Variants in ABHD18 observed in about 807,000 individuals in gnomAD.
ABHD18 encodes the protein cardiolipin-specific deacylase, mitochondrial.
A neutral mutation model predicts 65.9 loss-of-function variants in ABHD18; 55 were observed. The observed-to-expected ratio is 0.84, with a 90% CI of 0.67 to 1.05. ABHD18 has a LOEUF of 1.05. Among genes scored for constraint, ABHD18 ranks in the 50% least tolerant of loss-of-function variants. The pLI is 0.00. For missense variants in ABHD18, 533 were observed against 558.5 expected (o/e 0.95, Z 0.46); for synonymous variants, 181 against 180.2 (o/e 1.00, Z -0.04).
At chr4:128,023,132 A>G (rs1021707301) in intron 10 of ABHD18, among the ~76,000 whole-genome samples, 23 of 152,056 alleles carry the variant, frequency 1.5e-4, no homozygotes, top group African/African-American at 5.6e-4. Flanking sequence ...AGAAACTTCA[A>G]AAAAAAGAAA....
chr4:128,035,013 G>A (rs758680208), intron 12 of ABHD18, among the ~76,000 whole-genome samples: 5 of 152,080 alleles, frequency 3.3e-5, no homozygotes, highest in Non-Finnish European at 7.4e-5. Context: ...AGAAACCAAG[G>A]CTTTTGATTT....
chr4:127,990,937 C>G (rs190474362), intron 4 of ABHD18, among the ~76,000 whole-genome samples: 13 of 152,224 alleles, frequency 8.5e-5, no homozygotes, highest in Admixed American at 2.0e-4. Flanking sequence ...CAGTGGTGCT[C>G]ACTGTATGCT....
In ABHD18 at chr4:128,020,071, A is replaced by G; in HGVS notation, c.610-9A>G. 6.3e-7 allele frequency: 1 copy of G among 1,594,394 alleles called. No individual in the cohort carries two copies. The highest frequency in any genetic ancestry group is 1.1e-5 in the South Asian group (1 of 89,856). ...TCTAAATAGACGCTCTCTATCTGTT[A>G]TATTACAGATGGCTTCCTTAGCGGT... On this transcript the variant is annotated splice_polypyrimidine_tract_variant and intron_variant, in intron 8 of 12. Coordinates refer to ENST00000645843, the MANE Select transcript of ABHD18 (RefSeq NM_001358451.3).
chr4:127,971,254 C>CAAAAAAA, intron 1 of ABHD18, among the ~76,000 whole-genome samples: 1 of 74,542 alleles, frequency 1.3e-5, no homozygotes, highest in Non-Finnish European at 2.8e-5. Flanking sequence ...GACCCTGTCT[C>CAAAAAAA]AAAAAAAAAA....
chr4:127,998,168 C>T (rs1752054337), intron 4 of ABHD18, among the ~76,000 whole-genome samples: 1 of 152,056 alleles, frequency 6.6e-6, no homozygotes, highest in Admixed American at 6.6e-5. Context: ...GGATTATAGG[C>T]ATGAGCCACC....
intron 4 of ABHD18, among the ~76,000 whole-genome samples, chr4:127,993,267 G>A (rs559993354): frequency 4.3e-4 from 66 of 152,236 alleles, no homozygotes; most frequent in Non-Finnish European, 7.9e-4. Context: ...AAAGAAAGGA[G>A]GAAAATTATG....
rs199917794 is a variant in ABHD18 at position 128,028,758 on chromosome 4, T to C, written c.1085T>C (p.Leu362Pro). The C allele has an allele frequency of 1.2e-6, 2 of 1,613,766 alleles. No individual in the cohort carries two copies. The highest frequency in any genetic ancestry group is 1.1e-5 in the South Asian group (1 of 91,038). The change falls in exon 11 of 13, where the codon CTT (leucine) becomes CCT (proline). Residue 362 changes from leucine to proline, a missense_variant. This residue lies in a region of ABHD18 where 220 missense variants were observed against 226.8 expected (regional missense o/e 0.97). Transcript: ENST00000645843. The stretch of plus-strand genomic sequence containing the variant: ...CGCAACCCTCAGTCATACCACCTAC[T>C]TAGTAAAGAACAAAGCAGAAACAGT... ...TSRNPQSYHL[L>P]SKEQSRNSLR...
intron 10 of ABHD18, among the ~76,000 whole-genome samples, chr4:128,024,757 A>G (rs996422209): frequency 9.9e-5 from 15 of 152,148 alleles, no homozygotes; most frequent in Non-Finnish European, 1.5e-4. Flanking sequence ...CAGAGGCACA[A>G]TCTTGGCTCG....
intron 4 of ABHD18, among the ~76,000 whole-genome samples, chr4:127,991,596 TTA>T (rs1315284302): frequency 3.3e-5 from 5 of 152,314 alleles, no homozygotes; most frequent in African/African-American, 1.2e-4. Context: ...GTTTTCTATT[TTA>T]TGTTTTAGCT....
chr4:127,969,819 G>A (rs942524603), intron 1 of ABHD18, among the ~76,000 whole-genome samples: 9 of 150,760 alleles, frequency 6.0e-5, no homozygotes, highest in Non-Finnish European at 1.2e-4. Flanking sequence ...GCAACGATGT[G>A]CACTGTTGCC....
chr4:127,967,133 T>C (rs1579078105), intron 1 of ABHD18, among the ~76,000 whole-genome samples: 1 of 151,766 alleles, frequency 6.6e-6, no homozygotes, highest in African/African-American at 2.4e-5. Context: ...ATGGCACATA[T>C]ATAGTGGACA....
rs529816243 is a variant in ABHD18 at position 128,033,122 on chromosome 4, C to T, written c.1343+2450C>T. On this transcript the variant is annotated intron_variant, in intron 12 of 12. Coordinates refer to ENST00000645843, the MANE Select transcript of ABHD18 (RefSeq NM_001358451.3). ...GAAAAAAATTAGCTGGGCGTGGTGGCGGGTGCCTGTAGTCCCAGCTACTGC... is the reference window on the plus strand; with the variant it reads ...GAAAAAAATTAGCTGGGCGTGGTGGTGGGTGCCTGTAGTCCCAGCTACTGC... Among the ~76,000 whole-genome samples, 10 of 152,104 alleles carry T rather than the reference C, an allele frequency of 6.6e-5. No homozygotes were observed. In the South Asian group the frequency reaches 1.2e-3, roughly 19 times the overall value.
At position 128,028,662 on chromosome 4, in the gene ABHD18, T is replaced by C. The variant is rs1020843129; in HGVS notation, c.989T>C (p.Leu330Ser). Residue 330 changes from leucine to serine, a missense_variant, in exon 11 of 13, where the codon TTA becomes TCA. Coordinates refer to ENST00000645843, the MANE Select transcript of ABHD18 (RefSeq NM_001358451.3). ...TSVSATSEGL[L>S]LQDTSKMKRF... ...GTCAGTGCGACATCAGAAGGACTCT[T>C]ATTGCAAGATACCTCTAAGATGAAG... 7 of 1,613,740 alleles carry C rather than the reference T, an allele frequency of 4.3e-6. No homozygotes were observed. The highest frequency in any genetic ancestry group is 2.7e-5 in the African/African-American group (2 of 74,910).
intron 4 of ABHD18, among the ~76,000 whole-genome samples, chr4:128,007,225 G>A (rs2149127421): frequency 6.6e-6 from 1 of 151,948 alleles, no homozygotes. Context: ...AGGCTGAGGT[G>A]GGAGGACTGC....
chr4:128,015,664 TG>T (rs2149151962), intron 7 of ABHD18, among the ~76,000 whole-genome samples: 1 of 152,236 alleles, frequency 6.6e-6, no homozygotes, highest in African/African-American at 2.4e-5. Flanking sequence ...GGTAGGACAG[TG>T]GAAGTAAGCT....
At chr4:128,020,302 A>C in intron 9 of ABHD18, 133 bp downstream of exon 9, 1 of 654,534 alleles carries the variant, frequency 1.5e-6, no homozygotes, top group Non-Finnish European at 2.7e-6. Flanking sequence ...AGTCGTAATC[A>C]TGATTAAGCC....
At chr4:127,984,046 A>G (rs957258076) in intron 2 of ABHD18, among the ~76,000 whole-genome samples, 36 of 151,368 alleles carry the variant, frequency 2.4e-4, no homozygotes, top group Non-Finnish European at 5.0e-4. Context: ...CAAGGGGGAA[A>G]AAAAAAAAAA....
chr4:127,967,138 T>G (rs1745748536), intron 1 of ABHD18, among the ~76,000 whole-genome samples: 1 of 151,758 alleles, frequency 6.6e-6, no homozygotes, highest in Non-Finnish European at 1.5e-5. Context: ...ACATATATAG[T>G]GGACAAGGGG....
chr4:127,983,379 G>C (rs936842341), intron 2 of ABHD18, among the ~76,000 whole-genome samples: 2 of 152,112 alleles, frequency 1.3e-5, no homozygotes, highest in East Asian at 3.8e-4. Flanking sequence ...TAGATAACCC[G>C]AATTTGTAAT....
Sources: gnomAD v4.1 joint callset for allele counts (sites outside exome capture counted in the v4.1 genomes callset) on GRCh38, gnomAD v4.1.1 for gene constraint, gnomAD v4.1.1 regional missense constraint, MANE v1.5 for transcripts, NCBI Gene and HGNC (gene_info 2026-07-23, HGNC 2026-07-21) for gene names.